The following SPMIP7 variants were observed in gnomAD, a reference collection of about 807,000 sequenced individuals.
SPMIP7 encodes the protein sperm microtubule inner protein 7, also known as protein SPMIP7.
At chr7:50,131,877 C>T in the SPMIP7 span, among the ~76,000 whole-genome samples, 3 of 152,010 alleles carry the variant, frequency 2.0e-5, no homozygotes, top group African/African-American at 7.2e-5. Context: ...AGAGAGGCAA[C>T]AAAGAGAATA....
At chr7:50,147,903 A>G in the SPMIP7 span, among the ~76,000 whole-genome samples, 2 of 152,226 alleles carry the variant, frequency 1.3e-5, no homozygotes, top group South Asian at 4.1e-4. Flanking sequence ...CTTATTTTTA[A>G]GTGGGTCTCT....
At chr7:50,134,857 C>T in the SPMIP7 span, among the ~76,000 whole-genome samples, 2 of 152,300 alleles carry the variant, frequency 1.3e-5, no homozygotes, top group East Asian at 1.9e-4. Context: ...TGTATTACTC[C>T]ACTGATTAAA....
the SPMIP7 span, among the ~76,000 whole-genome samples, chr7:50,140,429 G>C: frequency 4.6e-5 from 7 of 152,080 alleles, no homozygotes; most frequent in Non-Finnish European, 2.9e-5. Context: ...AGAAAGAGTG[G>C]TATTTTTCTG....
At chr7:50,105,093 T>C in the SPMIP7 span, among the ~76,000 whole-genome samples, 1 of 152,188 alleles carries the variant, frequency 6.6e-6, no homozygotes, top group Non-Finnish European at 1.5e-5. Context: ...GAGGATTATG[T>C]TCTTAATCAT....
chr7:50,101,423 T>G, the SPMIP7 span, among the ~76,000 whole-genome samples: 53 of 152,318 alleles, frequency 3.5e-4, no homozygotes, highest in Non-Finnish European at 6.6e-4. Context: ...TTGCAGCTAT[T>G]GAAACTGACA....
At chr7:50,110,986 TAATA>T in the SPMIP7 span, among the ~76,000 whole-genome samples, 1 of 143,378 alleles carries the variant, frequency 7.0e-6, no homozygotes, top group East Asian at 2.0e-4. Flanking sequence ...CTAATATATA[TAATA>T]AATATATATG....
chr7:50,125,823 G>A, the SPMIP7 span, among the ~76,000 whole-genome samples: 14 of 151,950 alleles, frequency 9.2e-5, no homozygotes, highest in Non-Finnish European at 1.8e-4. Context: ...AGGAGCTGAG[G>A]GGTGGAGAAA....
the SPMIP7 span, among the ~76,000 whole-genome samples, chr7:50,103,049 A>ATTTT: frequency 1.6e-3 from 67 of 42,768 alleles, no homozygotes; most frequent in African/African-American, 5.2e-3. Context: ...AAGATCATAT[A>ATTTT]TTTTATATAT....
the SPMIP7 span, among the ~76,000 whole-genome samples, chr7:50,105,696 T>G: frequency 6.6e-6 from 1 of 152,258 alleles, no homozygotes; most frequent in African/African-American, 2.4e-5. Flanking sequence ...ATTTTTCTTT[T>G]ATAAGAAAAT....
At chr7:50,097,165 T>C in the SPMIP7 span, among the ~76,000 whole-genome samples, 1 of 152,228 alleles carries the variant, frequency 6.6e-6, no homozygotes, top group South Asian at 2.1e-4. Flanking sequence ...TACTGACATC[T>C]GCACCATGTG....
At chr7:50,118,915 T>A in the SPMIP7 span, among the ~76,000 whole-genome samples, 1 of 152,202 alleles carries the variant, frequency 6.6e-6, no homozygotes, top group Non-Finnish European at 1.5e-5. Context: ...GGAAGGCATA[T>A]GCCCTTAATA....
chr7:50,127,278 G>A, the SPMIP7 span, among the ~76,000 whole-genome samples: 419 of 152,040 alleles, frequency 2.8e-3, 1 homozygote, highest in African/African-American at 9.4e-3. Context: ...AAAGATTTAA[G>A]TCTAAGATCT....
the SPMIP7 span, among the ~76,000 whole-genome samples, chr7:50,103,158 C>A: frequency 6.6e-6 from 1 of 151,446 alleles, no homozygotes; most frequent in Non-Finnish European, 1.5e-5. Context: ...CTTCCCTAAG[C>A]ACCTCTCACA....
the SPMIP7 span, among the ~76,000 whole-genome samples, chr7:50,144,069 T>C: frequency 6.6e-6 from 1 of 152,232 alleles, no homozygotes; most frequent in Non-Finnish European, 1.5e-5. Flanking sequence ...TCAGAATATG[T>C]AAACATTCTT....
chr7:50,128,806 T>C, the SPMIP7 span, among the ~76,000 whole-genome samples: 2 of 151,940 alleles, frequency 1.3e-5, no homozygotes, highest in African/African-American at 4.8e-5. Flanking sequence ...AACTATTTGA[T>C]GAAAGTTATG....
chr7:50,100,665 A>G, the SPMIP7 span, among the ~76,000 whole-genome samples: 1 of 152,120 alleles, frequency 6.6e-6, no homozygotes, highest in Non-Finnish European at 1.5e-5. Context: ...ACAAAAAATT[A>G]GCCAGGCGTG....
the SPMIP7 span, among the ~76,000 whole-genome samples, chr7:50,146,762 G>A: frequency 6.6e-6 from 1 of 152,262 alleles, no homozygotes; most frequent in East Asian, 1.9e-4. Context: ...TCCAAGCCTG[G>A]AATTTACTAC....
At chr7:50,129,178 A>C in the SPMIP7 span, among the ~76,000 whole-genome samples, 1 of 152,002 alleles carries the variant, frequency 6.6e-6, no homozygotes, top group Non-Finnish European at 1.5e-5. Flanking sequence ...CAGCAGAAAG[A>C]AAATGGAACC....
chr7:50,138,862 A>G, the SPMIP7 span, among the ~76,000 whole-genome samples: 1 of 152,086 alleles, frequency 6.6e-6, no homozygotes. Flanking sequence ...GCAAATAGTG[A>G]CAGTACGGAG....
Sources: gnomAD v4.1 joint callset for allele counts (sites outside exome capture counted in the v4.1 genomes callset) on GRCh38, gnomAD v4.1.1 for gene constraint, MANE v1.5 for transcripts, NCBI Gene and HGNC (gene_info 2026-07-23, HGNC 2026-07-21) for gene names.